The following CLEC4D variants were observed in gnomAD, a reference collection of about 807,000 sequenced individuals.
CLEC4D encodes C-type lectin domain family 4 member D.
In CLEC4D, 21 loss-of-function variants were observed where a neutral mutation model predicts 21.1. The ratio of observed to expected loss-of-function variants is 1.00; its 90% CI spans 0.71 to 1.43. The LOEUF (loss-of-function observed/expected upper bound fraction) is 1.43, where lower values mean the gene tolerates loss of function less well. Among genes scored for constraint, CLEC4D ranks in the 40% most tolerant of loss-of-function variants. The pLI, the probability that CLEC4D is intolerant of heterozygous loss-of-function variation, is 0.00. For missense variants in CLEC4D, 289 were observed against 260.7 expected (o/e 1.11, Z -0.75); for synonymous variants, 85 against 83.1 (o/e 1.02, Z -0.12).
In CLEC4D at chr12:8,513,524, C is replaced by A; in HGVS notation, c.-209C>A. The A allele has an allele frequency of 2.7e-5, 8 of 296,002 alleles. No homozygotes were observed. Among genetic ancestry groups the A allele is most frequent in the East Asian group, 5.2e-5 (1 of 19,378 alleles). 18.3% of individuals were successfully genotyped at this position (296,002 alleles called of 1,614,324 possible). A position where few individuals can be genotyped will look rare whatever the true frequency, so the allele number is the denominator to read the frequency against. ...TTTCGCCTCATCTCCCGGAATGTAT[C>A]AAAGGAAACCCCTGTCTTTGAAAAA... On this transcript the variant is annotated 5_prime_UTR_variant, in exon 1 of 6. Coordinates refer to ENST00000299665, the MANE Select transcript of CLEC4D (RefSeq NM_080387.5).
chr12:8,520,364 G>C (rs750224164), intron 5 of CLEC4D, 23 bp downstream of exon 5: 2 of 1,600,788 alleles, frequency 1.2e-6, no homozygotes, highest in African/African-American at 2.7e-5. Context: ...AGTGGGCTAA[G>C]GGGATTTATA....
downstream of CLEC4D, among the ~76,000 whole-genome samples, chr12:8,523,691 C>T (rs1940483909): frequency 6.6e-6 from 1 of 152,132 alleles, no homozygotes; most frequent in African/African-American, 2.4e-5. Context: ...TGCTTTATTT[C>T]TTTCTCTTGA....
chr12:8,526,049 G>T (rs775573052), downstream of CLEC4D, among the ~76,000 whole-genome samples: 1 of 152,176 alleles, frequency 6.6e-6, no homozygotes, highest in Non-Finnish European at 1.5e-5. Context: ...TTTCTGCTGA[G>T]AGGTCTGCTG....
chr12:8,520,164 T>C lies in CLEC4D; in HGVS notation c.385-62T>C, dbSNP rs183978331. 9,391 of 1,582,888 alleles carry C rather than the reference T, an allele frequency of 5.9e-3. 41 individuals are homozygous for C. Among genetic ancestry groups the C allele is most frequent in the Non-Finnish European group, 7.3e-3 (8,447 of 1,161,258 alleles). ...AATCTAGTTGACATATTTCCTCTTT[T>C]TCCAACATCATAGCCATCACCTGAT... On this transcript the variant is annotated intron_variant, in intron 4 of 5. Transcript: ENST00000299665.
chr12:8,514,926 A>G (rs1056379067), intron 1 of CLEC4D, among the ~76,000 whole-genome samples: 1 of 152,074 alleles, frequency 6.6e-6, no homozygotes, highest in African/African-American at 2.4e-5. Flanking sequence ...TGACTCTAAC[A>G]TTGCTTGTGT....
downstream of CLEC4D, among the ~76,000 whole-genome samples, chr12:8,523,048 T>C (rs1282968291): frequency 6.6e-6 from 1 of 152,202 alleles, no homozygotes; most frequent in African/African-American, 2.4e-5. Flanking sequence ...TGTGCTTCAT[T>C]GGTCTATATG....
At position 8,520,268 on chromosome 12, in the gene CLEC4D, C is replaced by T; in HGVS notation, c.427C>T (p.Leu143Phe). 1 of 1,613,900 alleles carries T rather than the reference C, an allele frequency of 6.2e-7. No individual in the cohort carries two copies. The highest frequency in any genetic ancestry group is 8.5e-7 in the Non-Finnish European group (1 of 1,179,840). Reference sequence around the variant, plus strand: ...TCTGGATAGACGGCTTTCCTATTTCCTTGGACTTAGAGATGAGAATGCCAA... The same window carrying T: ...TCTGGATAGACGGCTTTCCTATTTCTTTGGACTTAGAGATGAGAATGCCAA... Reference protein sequence around the residue: ...QFLDRRLSYFLGLRDENAKGQ... With the variant: ...QFLDRRLSYFFGLRDENAKGQ... Residue 143 changes from leucine (L) to phenylalanine (F), a missense_variant, in exon 5 of 6, where the codon CTT (leucine) becomes TTT (phenylalanine). Physicochemically the swap from Leu to Phe is conservative, Grantham distance 22. Coordinates refer to ENST00000299665, the MANE Select transcript of CLEC4D (RefSeq NM_080387.5).
Position 8,521,315 on chromosome 12 carries a change from C to T in CLEC4D, c.*44C>T, listed in dbSNP as rs1565492839. On this transcript the variant is annotated 3_prime_UTR_variant, in exon 6 of 6. Transcript: ENST00000299665. ...TTGTGATGGAAAGAGAAAAGAAAAA[C>T]CAATTAGAATAAGGCAGAATGTACG... 1.4e-5 allele frequency: 22 copies of T among 1,582,470 alleles called. No individual in the cohort carries two copies. Among genetic ancestry groups the T allele is most frequent in the Non-Finnish European group, 1.9e-5 (22 of 1,168,080 alleles).
Position 8,518,293 on chromosome 12 carries a change from T to A in CLEC4D, c.232+19T>A. The A allele has an allele frequency of 2.2e-6, 2 of 914,762 alleles. No individual in the cohort carries two copies. The highest frequency in any genetic ancestry group is 1.4e-5 in the South Asian group (1 of 72,472). 56.7% of individuals were successfully genotyped at this position (914,762 alleles called of 1,614,324 possible). On this transcript the variant is annotated intron_variant, in intron 3 of 5. Transcript: ENST00000299665. ...GCTGAAGGTACAGAGTGTAAGATAA[T>A]TTCTTTTTTAATTTCCATTTTCGTT... is the stretch of plus-strand genomic sequence containing the variant.
chr12:8,527,752 C>T, the CLEC4D span, among the ~76,000 whole-genome samples: 1 of 152,220 alleles, frequency 6.6e-6, no homozygotes, highest in Non-Finnish European at 1.5e-5. Context: ...GTTCAGTAGG[C>T]CTTGGCACAT....
downstream of CLEC4D, among the ~76,000 whole-genome samples, chr12:8,523,058 G>A (rs1483771926): frequency 6.6e-6 from 1 of 152,070 alleles, no homozygotes. Flanking sequence ...TGGTCTATAT[G>A]TCTGTTTTGG....
Position 8,521,647 on chromosome 12 carries a change from T to C in CLEC4D, c.*376T>C, listed in dbSNP as rs1408135391. On this transcript the variant is annotated 3_prime_UTR_variant, in exon 6 of 6. Coordinates refer to ENST00000299665, the MANE Select transcript of CLEC4D (RefSeq NM_080387.5). ...ACTCTTAGCTCTTAAAATTCAAAGA[T>C]GGGATATTCTAACTGGTAGTGGTGC... 6.3e-6 allele frequency: 1 copy of C among 159,674 alleles called. No homozygotes were observed. Among genetic ancestry groups the C allele is most frequent in the African/African-American group, 2.4e-5 (1 of 41,658 alleles). 9.9% of individuals were successfully genotyped at this position (159,674 alleles called of 1,614,324 possible).
intron 1 of CLEC4D, among the ~76,000 whole-genome samples, chr12:8,514,961 T>A (rs1012283717): frequency 1.3e-5 from 2 of 152,160 alleles, no homozygotes; most frequent in African/African-American, 4.8e-5. Context: ...AATTTTTATG[T>A]ACTCAAATTA....
chr12:8,522,696 T>C (rs545101696), downstream of CLEC4D, among the ~76,000 whole-genome samples: 6 of 152,156 alleles, frequency 3.9e-5, no homozygotes, highest in Non-Finnish European at 8.8e-5. Flanking sequence ...GTATAGTTAA[T>C]ATTATCCATT....
the CLEC4D span, among the ~76,000 whole-genome samples, chr12:8,530,909 G>A: frequency 3.3e-5 from 5 of 152,290 alleles, no homozygotes; most frequent in African/African-American, 1.2e-4. Flanking sequence ...TAAACCGTGC[G>A]AAATTTTAAA....
At chr12:8,515,533 G>A (rs960430501) in intron 2 of CLEC4D, among the ~76,000 whole-genome samples, 1 of 152,006 alleles carries the variant, frequency 6.6e-6, no homozygotes, top group Non-Finnish European at 1.5e-5. Flanking sequence ...ATTGATTGAT[G>A]GAATTTAGAC....
chr12:8,520,355 G>A lies in CLEC4D; in HGVS notation c.500+14G>A, dbSNP rs765179953. On this transcript the variant is annotated intron_variant, in intron 5 of 5. Transcript: ENST00000299665. ...CCCACGCAGAGTGTAAGTATATTGAGTGGGCTAAGGGGATTTATAAGCAAA... is the reference window on the plus strand; with the variant it reads ...CCCACGCAGAGTGTAAGTATATTGAATGGGCTAAGGGGATTTATAAGCAAA... 22 of 1,611,192 alleles carry A rather than the reference G, an allele frequency of 1.4e-5. No individual in the cohort carries two copies. The highest frequency in any genetic ancestry group is 1.9e-5 in the Non-Finnish European group (22 of 1,177,876).
downstream of CLEC4D, among the ~76,000 whole-genome samples, chr12:8,525,535 G>C (rs1350919273): frequency 6.6e-6 from 1 of 152,004 alleles, no homozygotes; most frequent in Admixed American, 6.6e-5. Flanking sequence ...CTTTCCATTT[G>C]CTTGGTAAAT....
At chr12:8,514,353 A>G (rs1462230696) in intron 1 of CLEC4D, among the ~76,000 whole-genome samples, 1 of 152,124 alleles carries the variant, frequency 6.6e-6, no homozygotes, top group Non-Finnish European at 1.5e-5. Context: ...TGCTTATTTA[A>G]TTACTATACA....
Sources: gnomAD v4.1 joint callset for allele counts (sites outside exome capture counted in the v4.1 genomes callset) on GRCh38, gnomAD v4.1.1 for gene constraint, MANE v1.5 for transcripts, NCBI Gene and HGNC (gene_info 2026-07-23, HGNC 2026-07-21) for gene names.